NAA11: variants seen among roughly 807,000 people sequenced by gnomAD.
The protein encoded by NAA11 is N-alpha-acetyltransferase 11.
NAA11 carries 15 observed loss-of-function variants against 16.1 expected under a neutral mutation model. The ratio of observed to expected loss-of-function variants is 0.93; its 90% CI spans 0.62 to 1.44. NAA11 has a LOEUF of 1.44. Among genes scored for constraint, NAA11 ranks in the 40% most tolerant of loss-of-function variants. The pLI, the probability that NAA11 is intolerant of heterozygous loss-of-function variation, is 0.00. For missense variants in NAA11, 298 were observed against 291.3 expected (o/e 1.02, Z -0.17); for synonymous variants, 122 against 112.4 (o/e 1.09, Z -0.54).
the NAA11 span, among the ~76,000 whole-genome samples, chr4:79,186,794 T>G: frequency 6.6e-6 from 1 of 152,192 alleles, no homozygotes; most frequent in Non-Finnish European, 1.5e-5. Context: ...TTTCAATTCC[T>G]TAAATCCCTG....
At chr4:79,302,500 G>A (rs1723421731) in intron 1 of NAA11, among the ~76,000 whole-genome samples, 2 of 152,220 alleles carry the variant, frequency 1.3e-5, no homozygotes, top group South Asian at 4.1e-4. Flanking sequence ...TTTCTACAAA[G>A]ACACCCAAAT....
intron 2 of NAA11, among the ~76,000 whole-genome samples, chr4:79,265,636 C>A (rs1273945593): frequency 6.6e-6 from 1 of 152,186 alleles, no homozygotes. Flanking sequence ...CAGTTAAATG[C>A]ATGGCTTACT....
chr4:79,237,056 C>CA (rs1330763519), intron 2 of NAA11, among the ~76,000 whole-genome samples: 1 of 152,144 alleles, frequency 6.6e-6, no homozygotes, highest in Non-Finnish European at 1.5e-5. Flanking sequence ...TCTTAGAGTA[C>CA]ATGCAACATT....
the NAA11 span, among the ~76,000 whole-genome samples, chr4:79,197,858 A>G: frequency 3.3e-5 from 5 of 151,976 alleles, no homozygotes; most frequent in Non-Finnish European, 7.4e-5. Context: ...GGAAGTCTTC[A>G]GAGATGAAAT....
chr4:79,208,925 CAAAAAAA>C, the NAA11 span, among the ~76,000 whole-genome samples: 21 of 53,988 alleles, frequency 3.9e-4, no homozygotes, highest in East Asian at 5.5e-3. Context: ...ATATAACTGC[CAAAAAAA>C]AAAAAAAAAA....
rs1457837532 is a variant in NAA11 at position 79,303,072 on chromosome 4, CCTTTTA to C, written c.*13-8964_*13-8959del. On this transcript the variant is annotated intron_variant and NMD_transcript_variant, in intron 1 of 2. Transcript: ENST00000511542. ...CCTTTTCATTCCTGTTCTCTTGAGG[CCTTTTA>C]TATATATATATATATATATATATAT... 1.2e-3 allele frequency among the ~76,000 whole-genome samples: 110 copies of C among 89,060 alleles called. 2 individuals are homozygous for C. The highest frequency in any genetic ancestry group is 4.2e-3 in the African/African-American group (93 of 21,994). 58.4% of individuals were successfully genotyped at this position (89,060 alleles called of 152,430 possible). A position where few individuals can be genotyped will look rare whatever the true frequency, so the allele number is the denominator to read the frequency against.
At chr4:79,276,881 G>A (rs1301794510) in intron 2 of NAA11, among the ~76,000 whole-genome samples, 1 of 152,108 alleles carries the variant, frequency 6.6e-6, no homozygotes, top group Non-Finnish European at 1.5e-5. Context: ...ATATTTTGGT[G>A]GGTGACAGTT....
At chr4:79,261,065 A>T (rs1722235729) in intron 2 of NAA11, among the ~76,000 whole-genome samples, 1 of 152,238 alleles carries the variant, frequency 6.6e-6, no homozygotes, top group Non-Finnish European at 1.5e-5. Context: ...TAGTGAGCAC[A>T]TTGATATATG....
the NAA11 span, among the ~76,000 whole-genome samples, chr4:79,191,939 G>A: frequency 6.6e-6 from 1 of 152,098 alleles, no homozygotes; most frequent in Non-Finnish European, 1.5e-5. Flanking sequence ...TGAACAGAGA[G>A]TCTTTACCCT....
At chr4:79,223,155 A>G (rs1721230452), downstream of NAA11, among the ~76,000 whole-genome samples, 1 of 151,456 alleles carries the variant, frequency 6.6e-6, no homozygotes, top group Non-Finnish European at 1.5e-5. Context: ...GTATATACCC[A>G]AAGGACTATA....
chr4:79,188,907 G>T, the NAA11 span, among the ~76,000 whole-genome samples: 1 of 151,898 alleles, frequency 6.6e-6, no homozygotes, highest in African/African-American at 2.4e-5. Context: ...CTGCCCTGGG[G>T]ATCACCAACA....
chr4:79,201,367 G>A, the NAA11 span, among the ~76,000 whole-genome samples: 1 of 151,694 alleles, frequency 6.6e-6, no homozygotes, highest in Non-Finnish European at 1.5e-5. Context: ...AGCAGTAAAT[G>A]AGATTGCTTA....
the NAA11 span, among the ~76,000 whole-genome samples, chr4:79,169,646 C>T: frequency 6.6e-6 from 1 of 152,134 alleles, no homozygotes; most frequent in Non-Finnish European, 1.5e-5. Flanking sequence ...CATAAAAACC[C>T]TAGAAGAAAA....
In NAA11 at chr4:79,288,686, G is replaced by A. The variant is rs1425197548; in HGVS notation, c.*122+5319C>T. On this transcript the variant is annotated intron_variant and NMD_transcript_variant, in intron 2 of 2. Transcript: ENST00000511542. ...TTATTTACATTTCTGAATTTTCAAT[G>A]AAATAGCAAAATTTAAAACTCAAGT... is the stretch of plus-strand genomic sequence containing the variant. Among the ~76,000 whole-genome samples, 6 of 152,210 alleles carry A rather than the reference G, an allele frequency of 3.9e-5. No homozygotes were observed. The East Asian group carries it at 1.2e-3, about 29-fold the overall frequency.
chr4:79,229,229 G>T (rs1194173639), intron 2 of NAA11, among the ~76,000 whole-genome samples: 2 of 151,576 alleles, frequency 1.3e-5, no homozygotes, highest in African/African-American at 4.8e-5. Flanking sequence ...TGCATTTTGG[G>T]TTTTTTTATA....
intron 2 of NAA11, among the ~76,000 whole-genome samples, chr4:79,257,797 ATATTTGAGCATAT>A (rs1722154918): frequency 6.6e-6 from 1 of 152,264 alleles, no homozygotes; most frequent in East Asian, 1.9e-4. Flanking sequence ...ATTTTAATCT[ATATTTGAGCATAT>A]TTTTGTGGCA....
rs1032180358 is a variant in NAA11, at chr4:79,317,664, T to TTA, written c.*138_*139dup. On this transcript the variant is annotated 3_prime_UTR_variant, in exon 2 of 2. Transcript: ENST00000286794. ...AGCAGGATATGTGAAAGGTGGTTGT[T>TTA]TATAGAGTTAAGAGTGAGAAGCCAT... 1 of 152,136 alleles carries TTA rather than the reference T, an allele frequency of 6.6e-6. No individual in the cohort carries two copies. The highest frequency in any genetic ancestry group is 1.5e-5 in the Non-Finnish European group (1 of 68,066). The allele number at this position is 152,136 out of a possible 1,614,324, so 9.4% of individuals were successfully genotyped here. A position where few individuals can be genotyped will look rare whatever the true frequency, so the allele number is the denominator to read the frequency against.
the NAA11 span, among the ~76,000 whole-genome samples, chr4:79,181,914 A>C: frequency 6.6e-6 from 1 of 152,058 alleles, no homozygotes; most frequent in Non-Finnish European, 1.5e-5. Flanking sequence ...TTTACCACAA[A>C]CTCCAGATAA....
chr4:79,226,764 T>A (rs549352596), intron 2 of NAA11, among the ~76,000 whole-genome samples: 18 of 152,008 alleles, frequency 1.2e-4, no homozygotes, highest in Non-Finnish European at 2.5e-4. Context: ...GAATTCATCC[T>A]TTTTTATGGC....
Sources: allele counts gnomAD v4.1 joint callset (sites outside exome capture counted in the v4.1 genomes callset), GRCh38; gene constraint gnomAD v4.1.1; transcripts MANE v1.5; gene names NCBI Gene and HGNC (gene_info 2026-07-23, HGNC 2026-07-21).